The following PARD3 variants were observed in gnomAD, a reference collection of about 807,000 sequenced individuals.
PARD3 encodes partitioning defective 3 homolog.
A neutral mutation model predicts 155.4 loss-of-function variants in PARD3; 75 were observed. The ratio of observed to expected loss-of-function variants is 0.48; its 90% confidence interval spans 0.40 to 0.58. PARD3 has a LOEUF of 0.58. Ranked by LOEUF, PARD3 falls within the 20% of genes least tolerant of loss-of-function variation. PARD3 has a pLI of 0.00. For missense variants in PARD3, 1,642 were observed against 1,721.7 expected (o/e 0.95, Z 0.82); for synonymous variants, 576 against 610.5 (o/e 0.94, Z 0.83).
chr10:34,111,379 A>G lies in PARD3; in HGVS notation c.3852T>C (p.Leu1284=). ...ARVMLETQEL[L]RQEQRRKEQQ... ...GCTCCTTCCGCCTCTGTTCCTGGCGAAGGAGCTCCTGAGTTTCCAGCATGA... is the reference window on the plus strand; with the variant it reads ...GCTCCTTCCGCCTCTGTTCCTGGCGGAGGAGCTCCTGAGTTTCCAGCATGA... The change falls in exon 25 of 25, where the codon CTT becomes CTC. Residue 1284 remains leucine, a synonymous_variant. Transcript: ENST00000374788. 1 of 1,614,050 alleles carries G rather than the reference A, an allele frequency of 6.2e-7. No homozygotes were observed. Among genetic ancestry groups the G allele is most frequent in the African/African-American group, 1.3e-5 (1 of 75,026 alleles).
intron 2 of PARD3, among the ~76,000 whole-genome samples, chr10:34,680,384 C>T (rs1314406814): frequency 1.3e-5 from 2 of 151,972 alleles, no homozygotes; most frequent in African/African-American, 4.8e-5. Flanking sequence ...CATGGTGAAA[C>T]CCCATCTCTA....
chr10:34,397,809 T>C (rs1268795429), intron 7 of PARD3, among the ~76,000 whole-genome samples: 1 of 152,220 alleles, frequency 6.6e-6, no homozygotes, highest in Non-Finnish European at 1.5e-5. Context: ...TGATGAGTTA[T>C]GTTTCACAGG....
In PARD3 at chr10:34,297,380, T is replaced by C. The variant is rs553437554; in HGVS notation, c.3066-13135A>G. Among the ~76,000 whole-genome samples, 4 of 152,318 alleles carry C rather than the reference T, an allele frequency of 2.6e-5. No homozygotes were observed. The East Asian group carries it at 7.7e-4, about 29-fold the overall frequency. On this transcript the variant is annotated intron_variant, in intron 20 of 24. Transcript: ENST00000374788. ...CTTGGGGTATTTGATGTGTGATAAC[T>C]GGCACTATTAAATTATAATAAAACT...
intron 2 of PARD3, among the ~76,000 whole-genome samples, chr10:34,572,078 C>T (rs2086458098): frequency 6.6e-6 from 1 of 152,032 alleles, no homozygotes; most frequent in Non-Finnish European, 1.5e-5. Flanking sequence ...CTAGATCAAG[C>T]AACTATTAAC....
intron 2 of PARD3, among the ~76,000 whole-genome samples, chr10:34,633,834 T>A (rs551340118): frequency 3.3e-5 from 5 of 152,192 alleles, no homozygotes; most frequent in Non-Finnish European, 7.4e-5. Flanking sequence ...ATCCTCACAA[T>A]ACTGGTCATT....
chr10:34,647,077 A>C (rs578213642), intron 2 of PARD3, among the ~76,000 whole-genome samples: 1 of 152,306 alleles, frequency 6.6e-6, no homozygotes, highest in Non-Finnish European at 1.5e-5. Flanking sequence ...CTACTCATTC[A>C]TTCTGACTGC....
intron 14 of PARD3, among the ~76,000 whole-genome samples, chr10:34,354,570 G>A (rs962750356): frequency 6.6e-6 from 1 of 152,098 alleles, no homozygotes; most frequent in Non-Finnish European, 1.5e-5. Flanking sequence ...GACAGCTGCT[G>A]GGTGAAGGGG....
chr10:34,119,603 G>T lies in PARD3; in HGVS notation c.3668+10C>A. ...GGGGGATCTGGAGGCTCGGCCAAGC[G>T]TCCTCATACCGAGGCAGAGAGCTGT... On this transcript the variant is annotated intron_variant, in intron 24 of 24. Transcript: ENST00000374788. The T allele has an allele frequency of 6.3e-7, 1 of 1,591,534 alleles. No individual in the cohort carries two copies. Among genetic ancestry groups the T allele is most frequent in the Non-Finnish European group, 8.6e-7 (1 of 1,164,424 alleles).
chr10:34,405,536 A>G (rs1844374578), intron 5 of PARD3, among the ~76,000 whole-genome samples: 1 of 152,216 alleles, frequency 6.6e-6, no homozygotes. Flanking sequence ...AAAGATAAAT[A>G]AATGCTATAT....
At chr10:34,281,696 A>T (rs1327521557) in intron 21 of PARD3, among the ~76,000 whole-genome samples, 2 of 152,214 alleles carry the variant, frequency 1.3e-5, no homozygotes, top group Non-Finnish European at 2.9e-5. Context: ...AAGAAAAAAC[A>T]TTTAAAATTA....
At chr10:34,363,318 G>A (rs562052057) in intron 12 of PARD3, among the ~76,000 whole-genome samples, 45 of 93,490 alleles carry the variant, frequency 4.8e-4, no homozygotes, top group African/African-American at 3.7e-3. Context: ...TATTCTCCAG[G>A]GGATAGTTTA....
intron 1 of PARD3, among the ~76,000 whole-genome samples, chr10:34,755,525 T>G (rs1836603905): frequency 6.6e-6 from 1 of 152,112 alleles, no homozygotes; most frequent in African/African-American, 2.4e-5. Flanking sequence ...ACTTGAGAGG[T>G]CATAACTTGG....
chr10:34,611,939 A>AC (rs1325637390), intron 2 of PARD3, among the ~76,000 whole-genome samples: 333 of 11,204 alleles, frequency 0.03, 4 homozygotes, highest in South Asian at 0.05. Context: ...CGCCCCCCCT[A>AC]CCCCCCCGCC....
At chr10:34,126,562 C>T (rs4126706) in intron 23 of PARD3, among the ~76,000 whole-genome samples, 41,051 of 152,006 alleles carry the variant, frequency 0.27, 6,013 homozygotes, top group Middle Eastern at 0.39. Context: ...ATCATGGTCC[C>T]ATCCCTTCCA....
intron 22 of PARD3, among the ~76,000 whole-genome samples, chr10:34,148,393 G>A (rs753616478): frequency 5.3e-5 from 8 of 152,116 alleles, no homozygotes; most frequent in Non-Finnish European, 7.4e-5. Flanking sequence ...CTACAGACTG[G>A]CGCTGACATT....
chr10:34,569,606 A>G (rs1267439329), intron 2 of PARD3, among the ~76,000 whole-genome samples: 1 of 151,816 alleles, frequency 6.6e-6, no homozygotes, highest in Non-Finnish European at 1.5e-5. Flanking sequence ...TTTAGTAGAG[A>G]CGGGGTTTCA....
At chr10:34,548,136 G>A (rs2084250705) in intron 2 of PARD3, among the ~76,000 whole-genome samples, 1 of 152,176 alleles carries the variant, frequency 6.6e-6, no homozygotes, top group Admixed American at 6.5e-5. Context: ...GTCACAGGCA[G>A]GCTCTTTCTC....
chr10:34,144,737 C>A (rs1213278189), intron 22 of PARD3, among the ~76,000 whole-genome samples: 1 of 152,224 alleles, frequency 6.6e-6, no homozygotes, highest in East Asian at 1.9e-4. Context: ...CCATCTTCCA[C>A]ATCTTCCCAA....
intron 18 of PARD3, among the ~76,000 whole-genome samples, chr10:34,331,946 T>C (rs772292729): frequency 1.3e-5 from 2 of 152,040 alleles, no homozygotes; most frequent in Non-Finnish European, 2.9e-5. Context: ...CTGGGAAATA[T>C]GGATATTCTA....
Sources: allele counts gnomAD v4.1 joint callset (sites outside exome capture counted in the v4.1 genomes callset), GRCh38; gene constraint gnomAD v4.1.1; transcripts MANE v1.5; gene names NCBI Gene and HGNC (gene_info 2026-07-23, HGNC 2026-07-21).